SLC25A13: variants seen among roughly 807,000 people sequenced by gnomAD.
SLC25A13 encodes the protein solute carrier family 25 member 13.
SLC25A13 carries 70 observed loss-of-function variants against 85.5 expected under a neutral mutation model. That is an observed-to-expected ratio of 0.82 (90% CI 0.68 to 1.00). The LOEUF (loss-of-function observed/expected upper bound fraction) is 1.00, where lower values mean the gene tolerates loss of function less well. SLC25A13 is among the 50% of genes least tolerant of loss of function. The pLI, the probability that SLC25A13 is intolerant of heterozygous loss-of-function variation, is 0.00. For missense variants in SLC25A13, 765 were observed against 819.8 expected, an observed-to-expected ratio of 0.93 and a Z score of 0.82; for synonymous variants, 259 against 288.7, an observed-to-expected ratio of 0.90 and a Z score of 1.04.
intron 5 of SLC25A13, among the ~76,000 whole-genome samples, chr7:96,201,226 C>T (rs965206791): frequency 2.6e-5 from 4 of 151,994 alleles, no homozygotes; most frequent in Non-Finnish European, 5.9e-5. Context: ...AATTCATGGT[C>T]GGGCTGGGCA....
chr7:96,293,755 A>G (rs1352616867), intron 2 of SLC25A13, among the ~76,000 whole-genome samples: 4 of 152,136 alleles, frequency 2.6e-5, no homozygotes, highest in Non-Finnish European at 4.4e-5. Flanking sequence ...AGTTAGAATG[A>G]CGATCATTAA....
Position 96,321,922 on chromosome 7 carries a change from G to A in SLC25A13, c.15+20C>T, listed in dbSNP as rs1347721966. 1 of 1,529,152 alleles carries A rather than the reference G, an allele frequency of 6.5e-7. No individual in the cohort carries two copies. The highest frequency in any genetic ancestry group is 1.4e-5 in the African/African-American group (1 of 69,864). The allele number at this position is 1,529,152 out of a possible 1,614,324, so 94.7% of individuals were successfully genotyped here. On this transcript the variant is annotated intron_variant, in intron 1 of 17. Transcript: ENST00000265631. ...CTGATCCGGCAGGCGCGCTCCCCCC[G>A]GCCTCGGGCCCGCGGTTACCTTGGC...
chr7:96,136,424 T>C lies in SLC25A13; in HGVS notation c.1453-4543A>G, dbSNP rs559390190. 2.0e-5 allele frequency among the ~76,000 whole-genome samples: 3 copies of C among 152,294 alleles called. No individual in the cohort carries two copies. In the East Asian group the frequency reaches 5.8e-4, roughly 29 times the overall value. ...TAGGATCGTCCACTCAAGTTTATTT[T>C]GCCAGCTCTGCCTGGTATGAAACTG... On this transcript the variant is annotated intron_variant, in intron 14 of 17. Coordinates refer to ENST00000265631, the MANE Select transcript of SLC25A13 (RefSeq NM_014251.3).
At chr7:96,265,185 G>A (rs1412179570) in intron 3 of SLC25A13, among the ~76,000 whole-genome samples, 4 of 151,992 alleles carry the variant, frequency 2.6e-5, no homozygotes, top group Admixed American at 6.6e-5. Flanking sequence ...AAAATTCATG[G>A]GTCTATGAGC....
intron 11 of SLC25A13, among the ~76,000 whole-genome samples, chr7:96,175,441 T>C (rs946962548): frequency 3.9e-5 from 6 of 152,252 alleles, no homozygotes; most frequent in African/African-American, 1.2e-4. Context: ...TACAGTACTG[T>C]GTGTTTTATG....
rs577012400 is a variant in SLC25A13 at position 96,321,979 on chromosome 7, C to T, written c.-23G>A. Reference sequence around the variant, plus strand: ...CATGATTCGCCCCGGTTGCGGGCGACTGCGGGACCCACTGACTGGCTGGCT... The same window carrying T: ...CATGATTCGCCCCGGTTGCGGGCGATTGCGGGACCCACTGACTGGCTGGCT... On this transcript the variant is annotated 5_prime_UTR_variant, in exon 1 of 18. Coordinates refer to ENST00000265631, the MANE Select transcript of SLC25A13 (RefSeq NM_014251.3). 1.1e-4 allele frequency: 176 copies of T among 1,537,890 alleles called. No homozygotes were observed. The highest frequency in any genetic ancestry group is 1.8e-4 in the Admixed American group (9 of 50,682).
At chr7:96,206,450 G>A (rs1030850945) in intron 5 of SLC25A13, among the ~76,000 whole-genome samples, 12 of 152,148 alleles carry the variant, frequency 7.9e-5, no homozygotes, top group Admixed American at 5.2e-4. Flanking sequence ...TCAGAAAAGA[G>A]TTCAAATGAA....
intron 13 of SLC25A13, among the ~76,000 whole-genome samples, chr7:96,160,802 C>T (rs1793478510): frequency 6.6e-6 from 1 of 152,130 alleles, no homozygotes; most frequent in Non-Finnish European, 1.5e-5. Context: ...GCCCTCAGTC[C>T]AAGTTGAAAT....
chr7:96,158,784 G>A (rs1793386026), intron 13 of SLC25A13, among the ~76,000 whole-genome samples: 3 of 152,176 alleles, frequency 2.0e-5, no homozygotes, highest in Non-Finnish European at 4.4e-5. Context: ...AGTGATTTAT[G>A]TTTCATTAAG....
intron 3 of SLC25A13, among the ~76,000 whole-genome samples, chr7:96,266,368 T>C (rs1798044000): frequency 6.6e-6 from 1 of 152,164 alleles, no homozygotes; most frequent in African/African-American, 2.4e-5. Flanking sequence ...GTCAATCTTA[T>C]CTACTCTCAA....
intron 13 of SLC25A13, among the ~76,000 whole-genome samples, chr7:96,166,616 A>G (rs984870998): frequency 1.3e-5 from 2 of 152,222 alleles, no homozygotes; most frequent in African/African-American, 4.8e-5. Context: ...TAAAAGTCAT[A>G]CACTTACTTT....
At chr7:96,241,037 G>GGAAAGAAGGAAAGAAA in intron 3 of SLC25A13, among the ~76,000 whole-genome samples, 1 of 80,614 alleles carries the variant, frequency 1.2e-5, no homozygotes, top group African/African-American at 5.0e-5. Flanking sequence ...AAGAAAGAAA[G>GGAAAGAAGGAAAGAAA]GAAAGAAAGA....
intron 9 of SLC25A13, among the ~76,000 whole-genome samples, chr7:96,188,523 C>A (rs979830018): frequency 6.6e-6 from 1 of 152,162 alleles, no homozygotes; most frequent in Non-Finnish European, 1.5e-5. Context: ...GATGGCTCTG[C>A]CTAAAAGGAG....
intron 4 of SLC25A13, among the ~76,000 whole-genome samples, chr7:96,224,739 A>G (rs967465568): frequency 1.1e-4 from 16 of 152,164 alleles, no homozygotes; most frequent in African/African-American, 3.4e-4. Context: ...GCATTTGCCT[A>G]TTGTTCTTTA....
chr7:96,195,005 T>G (rs1245886023), intron 5 of SLC25A13, among the ~76,000 whole-genome samples: 1 of 152,124 alleles, frequency 6.6e-6, no homozygotes, highest in African/African-American at 2.4e-5. Flanking sequence ...CCCTCTGTCC[T>G]CACATCTTCT....
chr7:96,286,937 C>A (rs141900957), intron 2 of SLC25A13, among the ~76,000 whole-genome samples: 1 of 152,216 alleles, frequency 6.6e-6, no homozygotes, highest in African/African-American at 2.4e-5. Context: ...TCCCTTCCAC[C>A]TCCCAAGCTA....
intron 3 of SLC25A13, among the ~76,000 whole-genome samples, chr7:96,272,276 A>G (rs1798269797): frequency 6.6e-6 from 1 of 152,216 alleles, no homozygotes; most frequent in Non-Finnish European, 1.5e-5. Context: ...CCATAAACAT[A>G]TTAATGTATG....
intron 2 of SLC25A13, among the ~76,000 whole-genome samples, chr7:96,293,998 C>T (rs1469785447): frequency 2.0e-5 from 3 of 152,134 alleles, no homozygotes; most frequent in African/African-American, 7.2e-5. Flanking sequence ...TATTGCGGCA[C>T]TATTCACAAT....
chr7:96,171,327 A>C (rs989024577), intron 12 of SLC25A13, 145 bp downstream of exon 12: 5 of 746,696 alleles, frequency 6.7e-6, no homozygotes, highest in Non-Finnish European at 1.2e-5. Context: ...AGAATAATGA[A>C]AAAATGTGTG....
Sources: gnomAD v4.1 joint callset for allele counts (sites outside exome capture counted in the v4.1 genomes callset) on GRCh38, gnomAD v4.1.1 for gene constraint, MANE v1.5 for transcripts, NCBI Gene and HGNC (gene_info 2026-07-23, HGNC 2026-07-21) for gene names.